AVEN: variants seen among roughly 807,000 people sequenced by gnomAD.
AVEN encodes the protein apoptosis and caspase activation inhibitor.
Under a neutral mutation model 38.1 loss-of-function variants are expected in AVEN, and 41 were observed. That is an observed-to-expected ratio of 1.08 (90% CI 0.84 to 1.40). The LOEUF is 1.40. AVEN is among the 40% of genes most tolerant of loss of function. The pLI, the probability that AVEN is intolerant of heterozygous loss-of-function variation, is 0.00. For missense variants in AVEN, 605 were observed against 438.8 expected, an observed-to-expected ratio of 1.38 and a Z score of -3.38; for synonymous variants, 206 against 171.8, an observed-to-expected ratio of 1.20 and a Z score of -1.56.
chr15:33,853,896 T>G (rs557574345), downstream of AVEN, among the ~76,000 whole-genome samples: 3 of 152,198 alleles, frequency 2.0e-5, no homozygotes, highest in Admixed American at 1.3e-4. Flanking sequence ...AAAGACTTAA[T>G]TAAAATTTCA....
intron 2 of AVEN, among the ~76,000 whole-genome samples, chr15:33,962,804 C>T (rs1895239106): frequency 6.6e-6 from 1 of 151,766 alleles, no homozygotes; most frequent in African/African-American, 2.4e-5. Flanking sequence ...CATGTAGTCA[C>T]AGCTACTTGG....
At chr15:33,875,544 C>A (rs957802906) in intron 3 of AVEN, among the ~76,000 whole-genome samples, 1 of 152,174 alleles carries the variant, frequency 6.6e-6, no homozygotes, top group Non-Finnish European at 1.5e-5. Context: ...TAAGGGTTTT[C>A]TCAACCTAAC....
intron 1 of AVEN, among the ~76,000 whole-genome samples, chr15:34,070,709 A>G (rs1900610059): frequency 1.3e-5 from 2 of 152,214 alleles, no homozygotes; most frequent in Admixed American, 1.3e-4. Context: ...AGAGCTACGA[A>G]TACACCAAGT....
chr15:33,856,518 TAA>T (rs2153004878), downstream of AVEN: 1 of 152,396 alleles, frequency 6.6e-6, no homozygotes, highest in South Asian at 2.1e-4. Context: ...TTCTCTGTAA[TAA>T]AAAGTGTGAC....
intron 1 of AVEN, among the ~76,000 whole-genome samples, chr15:34,011,719 C>G (rs891662894): frequency 6.6e-6 from 1 of 152,198 alleles, no homozygotes; most frequent in African/African-American, 2.4e-5. Context: ...TTCCATCTCT[C>G]TCTTTCCCTA....
intron 2 of AVEN, among the ~76,000 whole-genome samples, chr15:33,938,387 G>A (rs772715966): frequency 2.6e-5 from 4 of 151,950 alleles, no homozygotes; most frequent in Admixed American, 1.3e-4. Flanking sequence ...CCCAGGAGGC[G>A]GAGCTTGCAG....
At chr15:33,968,469 T>C (rs1895483286) in intron 2 of AVEN, among the ~76,000 whole-genome samples, 1 of 152,142 alleles carries the variant, frequency 6.6e-6, no homozygotes, top group Admixed American at 6.5e-5. Context: ...GTTTGCTGTC[T>C]GGTTTGAATA....
chr15:33,881,338 A>G (rs1219380814), intron 2 of AVEN, among the ~76,000 whole-genome samples: 1 of 151,598 alleles, frequency 6.6e-6, no homozygotes, highest in Non-Finnish European at 1.5e-5. Context: ...CACCACCTCA[A>G]CCTCCCAAAG....
chr15:34,029,409 G>C (rs2140752610), intron 1 of AVEN, among the ~76,000 whole-genome samples: 1 of 151,818 alleles, frequency 6.6e-6, no homozygotes, highest in East Asian at 1.9e-4. Context: ...AACCGGGCAA[G>C]GTGGCTCATG....
intron 1 of AVEN, among the ~76,000 whole-genome samples, chr15:34,031,953 T>C (rs957273595): frequency 2.0e-5 from 3 of 152,018 alleles, no homozygotes; most frequent in Non-Finnish European, 4.4e-5. Flanking sequence ...CTGTTAATTA[T>C]TTCCATCCAA....
intron 2 of AVEN, among the ~76,000 whole-genome samples, chr15:33,956,651 C>G (rs1894964936): frequency 6.6e-6 from 1 of 152,176 alleles, no homozygotes. Context: ...TTTTGCCATG[C>G]AGAAATTCGT....
downstream of AVEN, among the ~76,000 whole-genome samples, chr15:33,857,256 GCAC>G (rs375469840): frequency 0.98 from 149,247 of 152,000 alleles, 73,333 homozygotes; most frequent in Middle Eastern, 1. Context: ...GGCAGCACCA[GCAC>G]CTGGTCTCCT....
Position 33,874,577 on chromosome 15 carries a change from T to C in AVEN, c.516+1348A>G, listed in dbSNP as rs1891142037. Among the ~76,000 whole-genome samples, 3 of 152,188 alleles carry C rather than the reference T, an allele frequency of 2.0e-5. No individual in the cohort carries two copies. The South Asian group carries it at 6.2e-4, about 32-fold the overall frequency. On this transcript the variant is annotated intron_variant, in intron 3 of 5. Transcript: ENST00000306730. ...TCTCTCAGTATTGTTAATTCATTCA[T>C]CACACCCCTTATTTTAGGTTGTATT... is the stretch of plus-strand genomic sequence containing the variant.
intron 1 of AVEN, among the ~76,000 whole-genome samples, chr15:34,009,016 A>C (rs558124488): frequency 6.6e-6 from 1 of 152,124 alleles, no homozygotes; most frequent in Non-Finnish European, 1.5e-5. Flanking sequence ...AAAAGGAAAA[A>C]CCAACTCATC....
intron 2 of AVEN, chr15:33,990,548 T>A (rs1304202777): frequency 1.3e-5 from 2 of 152,242 alleles, no homozygotes; most frequent in Non-Finnish European, 2.9e-5. Flanking sequence ...TTAAGCCATG[T>A]CCAGTATAAC....
chr15:34,008,651 G>T (rs1279413023), intron 1 of AVEN, among the ~76,000 whole-genome samples: 2 of 133,626 alleles, frequency 1.5e-5, no homozygotes, highest in African/African-American at 6.7e-5. Flanking sequence ...ACCATGGCAG[G>T]CTAATTTTTT....
chr15:33,968,488 C>T (rs540341664), intron 2 of AVEN, among the ~76,000 whole-genome samples: 4 of 152,240 alleles, frequency 2.6e-5, no homozygotes, highest in African/African-American at 9.6e-5. Flanking sequence ...TAGCTCCTAT[C>T]AGCTCTTCAT....
At chr15:33,981,197 T>C (rs952699826) in intron 2 of AVEN, among the ~76,000 whole-genome samples, 1 of 152,224 alleles carries the variant, frequency 6.6e-6, no homozygotes, top group Admixed American at 6.5e-5. Context: ...AGCGATGCCT[T>C]ATCAATTTTC....
At chr15:33,883,242 T>C (rs965692) in intron 2 of AVEN, among the ~76,000 whole-genome samples, 2,352 of 152,294 alleles carry the variant, frequency 0.015, 27 homozygotes, top group Middle Eastern at 0.037. Flanking sequence ...ATGTGTAGTG[T>C]AGTGTATGGT....
Sources: allele counts gnomAD v4.1 joint callset (sites outside exome capture counted in the v4.1 genomes callset), GRCh38; gene constraint gnomAD v4.1.1; transcripts MANE v1.5; gene names NCBI Gene and HGNC (gene_info 2026-07-23, HGNC 2026-07-21).